The following PARVA variants were observed in gnomAD, a reference collection of about 807,000 sequenced individuals.
PARVA encodes alpha-parvin.
A neutral mutation model predicts 52.6 loss-of-function variants in PARVA; 25 were observed. The observed-to-expected ratio is 0.48, with a 90% CI of 0.35 to 0.66. The LOEUF is 0.66. Ranked by LOEUF, PARVA falls within the 30% of genes least tolerant of loss-of-function variation. The pLI is 0.01. For missense variants in PARVA, 373 were observed against 450.9 expected (o/e 0.83, Z 1.56); for synonymous variants, 185 against 179.1 (o/e 1.03, Z -0.26).
chr11:12,519,964 C>A (rs1941616826), intron 12 of PARVA, among the ~76,000 whole-genome samples: 1 of 152,198 alleles, frequency 6.6e-6, no homozygotes, highest in South Asian at 2.1e-4. Context: ...GGAGGACAGA[C>A]ACAGTGAGAA....
chr11:12,508,896 G>GA (rs1006150883), intron 7 of PARVA, among the ~76,000 whole-genome samples: 6 of 151,932 alleles, frequency 3.9e-5, no homozygotes, highest in African/African-American at 9.7e-5. Flanking sequence ...GCCACTCCAG[G>GA]AAAAAGTGTG....
chr11:12,531,265 G>A lies in PARVA; in HGVS notation c.*3340G>A, dbSNP rs995028078. ...ATCAGCACATCATCAGTGTTGCCTCGAGTTGGTTGCAATTTTCAATTGCTG... is the reference window on the plus strand; with the variant it reads ...ATCAGCACATCATCAGTGTTGCCTCAAGTTGGTTGCAATTTTCAATTGCTG... On this transcript the variant is annotated 3_prime_UTR_variant, in exon 13 of 13. Coordinates refer to ENST00000334956, the MANE Select transcript of PARVA (RefSeq NM_018222.5). Among the ~76,000 whole-genome samples the A allele has an allele frequency of 2.6e-5, 4 of 152,278 alleles. No individual in the cohort carries two copies. The East Asian group carries it at 5.8e-4, about 22-fold the overall frequency.
intron 4 of PARVA, among the ~76,000 whole-genome samples, chr11:12,492,070 A>T (rs528773439): frequency 6.6e-6 from 1 of 152,316 alleles, no homozygotes; most frequent in South Asian, 2.1e-4. Context: ...TACATATTTT[A>T]GTTCTTGAAG....
chr11:12,436,619 C>G lies in PARVA; in HGVS notation c.137-37126C>G, dbSNP rs146811019. 1.7e-3 allele frequency among the ~76,000 whole-genome samples: 259 copies of G among 152,182 alleles called. 2 individuals carry two copies. Among genetic ancestry groups the G allele is most frequent in the African/African-American group, 5.8e-3 (241 of 41,522 alleles). On this transcript the variant is annotated intron_variant, in intron 1 of 12. Transcript: ENST00000334956. ...GGCCACAGGGAGACATTGAGTATTACTGAGGGAGAACACCAAGAAACAGTG... is the reference window on the plus strand; with the variant it reads ...GGCCACAGGGAGACATTGAGTATTAGTGAGGGAGAACACCAAGAAACAGTG...
intron 12 of PARVA, among the ~76,000 whole-genome samples, chr11:12,526,087 G>A (rs1441725420): frequency 1.3e-5 from 2 of 152,126 alleles, no homozygotes; most frequent in Non-Finnish European, 2.9e-5. Context: ...GCGGGCACAG[G>A]GATAAAGGAA....
chr11:12,389,926 C>T (rs937761960), intron 1 of PARVA, among the ~76,000 whole-genome samples: 1 of 152,182 alleles, frequency 6.6e-6, no homozygotes, highest in African/African-American at 2.4e-5. Context: ...TTGAATCATA[C>T]TCTTTTCCGT....
In PARVA at chr11:12,533,380, A is replaced by G. The variant is rs1941796318; in HGVS notation, c.*5455A>G. ...GACAAACTATAAGCAAGCCTCCTGGATGTGGAATAATACATTTTCAAAATT... is the reference window on the plus strand; with the variant it reads ...GACAAACTATAAGCAAGCCTCCTGGGTGTGGAATAATACATTTTCAAAATT... On this transcript the variant is annotated 3_prime_UTR_variant, in exon 13 of 13. Transcript: ENST00000334956. Among the ~76,000 whole-genome samples the G allele has an allele frequency of 2.0e-5, 3 of 152,184 alleles. No homozygotes were observed. The highest frequency in any genetic ancestry group is 7.2e-5 in the African/African-American group (3 of 41,426).
At chr11:12,498,640 TCTTGGCTCACTGCAACCTTCGCCTC>T (rs1443597590) in intron 5 of PARVA, among the ~76,000 whole-genome samples, 12 of 148,500 alleles carry the variant, frequency 8.1e-5, no homozygotes, top group African/African-American at 3.0e-4. Flanking sequence ...AGTGGCACAA[TCTTGGCTCACTGCAACCTTCGCCTC>T]CTGGGTTCAA....
chr11:12,395,982 A>G (rs1939738102), intron 1 of PARVA, among the ~76,000 whole-genome samples: 1 of 152,238 alleles, frequency 6.6e-6, no homozygotes, highest in African/African-American at 2.4e-5. Flanking sequence ...TGCTCTGAGC[A>G]TAGTTGATTC....
In PARVA at chr11:12,449,679, G is replaced by A. The variant is rs558532247; in HGVS notation, c.137-24066G>A. ...CTTTGCTCCCACCAGCCTCTCCTCC[G>A]GGGAACACTAAGCAATGTCTGGAGA... is the stretch of plus-strand genomic sequence containing the variant. On this transcript the variant is annotated intron_variant, in intron 1 of 12. Transcript: ENST00000334956. Among the ~76,000 whole-genome samples, 72 of 152,250 alleles carry A rather than the reference G, an allele frequency of 4.7e-4. 1 individual carries two copies. Among genetic ancestry groups the A allele is most frequent in the Middle Eastern group, 3.4e-3 (1 of 294 alleles).
chr11:12,422,950 G>T (rs146136044), intron 1 of PARVA, among the ~76,000 whole-genome samples: 11,956 of 152,088 alleles, frequency 0.079, 543 homozygotes, highest in South Asian at 0.14. Context: ...CCACCTCCCG[G>T]TTCAAGCAAT....
At chr11:12,412,134 A>G (rs1019928182) in intron 1 of PARVA, among the ~76,000 whole-genome samples, 7 of 152,046 alleles carry the variant, frequency 4.6e-5, no homozygotes, top group African/African-American at 1.7e-4. Context: ...ACATCTCTCT[A>G]TTGTCTTTCT....
At chr11:12,437,029 G>A (rs751533078) in intron 1 of PARVA, among the ~76,000 whole-genome samples, 1 of 152,204 alleles carries the variant, frequency 6.6e-6, no homozygotes, top group African/African-American at 2.4e-5. Context: ...ACCACCAAGG[G>A]AGAAACTTTT....
At chr11:12,502,220 TC>T (rs1941371269) in intron 5 of PARVA, among the ~76,000 whole-genome samples, 1 of 152,200 alleles carries the variant, frequency 6.6e-6, no homozygotes, top group African/African-American at 2.4e-5. Context: ...CTGTTCATAA[TC>T]AGTAGAAAAC....
chr11:12,504,178 C>T, intron 5 of PARVA, 136 bp from the exon 6 acceptor site: 1 of 629,522 alleles, frequency 1.6e-6, no homozygotes, highest in Non-Finnish European at 2.9e-6. Flanking sequence ...CCGGGGATTA[C>T]ATTTCAGCAT....
At chr11:12,490,370 A>G (rs1262204975) in intron 4 of PARVA, among the ~76,000 whole-genome samples, 2 of 151,852 alleles carry the variant, frequency 1.3e-5, no homozygotes, top group East Asian at 1.9e-4. Context: ...CTAAAAATAC[A>G]AAAATTAGCC....
Position 12,380,413 on chromosome 11 carries a change from A to G in PARVA, c.136+2630A>G, listed in dbSNP as rs546398351. ...GGGCTGCTGGACTGGAACTATAGTCATAGAGGGATGCAGCTACTGTCCGAA... is the reference window on the plus strand; with the variant it reads ...GGGCTGCTGGACTGGAACTATAGTCGTAGAGGGATGCAGCTACTGTCCGAA... On this transcript the variant is annotated intron_variant, in intron 1 of 12. Transcript: ENST00000334956. 4.0e-5 allele frequency among the ~76,000 whole-genome samples: 6 copies of G among 150,848 alleles called. 1 individual carries two copies. In the South Asian group the frequency reaches 1.3e-3, roughly 32 times the overall value.
chr11:12,488,922 AC>A (rs762465974), intron 4 of PARVA, among the ~76,000 whole-genome samples: 7 of 152,220 alleles, frequency 4.6e-5, no homozygotes, highest in African/African-American at 9.6e-5. Flanking sequence ...AAGGAATATG[AC>A]CTCAAAATTA....
At chr11:12,381,074 A>G (rs962970966) in intron 1 of PARVA, among the ~76,000 whole-genome samples, 3 of 152,198 alleles carry the variant, frequency 2.0e-5, no homozygotes, top group African/African-American at 7.2e-5. Context: ...AGGGCCAGCC[A>G]CCACCCAGCT....
Sources: allele counts gnomAD v4.1 joint callset (sites outside exome capture counted in the v4.1 genomes callset), GRCh38; gene constraint gnomAD v4.1.1; transcripts MANE v1.5; gene names NCBI Gene and HGNC (gene_info 2026-07-23, HGNC 2026-07-21).